Variants in CEP85L observed in about 807,000 individuals in gnomAD.
CEP85L encodes the protein centrosomal protein 85L, also known as centrosomal protein of 85 kDa-like.
CEP85L carries 60 observed loss-of-function variants against 100.3 expected under a neutral mutation model. The observed-to-expected ratio is 0.60, with a 90% CI of 0.49 to 0.74. The LOEUF is 0.74. CEP85L is among the 30% of genes least tolerant of loss of function. CEP85L has a pLI of 0.00. For synonymous variants in CEP85L, 319 were observed against 322.7 expected, an observed-to-expected ratio of 0.99 and a Z score of 0.12; for missense variants, 973 against 936.2, an observed-to-expected ratio of 1.04 and a Z score of -0.51.
chr6:118,651,148 C>T, intron 1 of CEP85L, 49 bp downstream of exon 1: 2 of 1,461,482 alleles, frequency 1.4e-6, no homozygotes, highest in Admixed American at 2.6e-5. Context: ...CGAGGCGCCG[C>T]GGTCGGCCGT....
intron 2 of CEP85L, among the ~76,000 whole-genome samples, chr6:118,600,243 C>G (rs1020640800): frequency 2.1e-5 from 3 of 144,454 alleles, no homozygotes; most frequent in Admixed American, 1.4e-4. Flanking sequence ...AAATTTGTTA[C>G]TATACAATGC....
At chr6:118,656,320 A>G (rs1775785996), upstream of CEP85L, among the ~76,000 whole-genome samples, 1 of 152,262 alleles carries the variant, frequency 6.6e-6, no homozygotes, top group Non-Finnish European at 1.5e-5. Context: ...AAATCAAGGC[A>G]AAGCTGAAAT....
intron 2 of CEP85L, among the ~76,000 whole-genome samples, chr6:118,628,114 C>G (rs370385855): frequency 2.6e-5 from 4 of 151,998 alleles, no homozygotes; most frequent in African/African-American, 7.3e-5. Context: ...TTTCTTTTAC[C>G]CAGTATATCA....
rs1772318263 is a variant in CEP85L at position 118,463,231 on chromosome 6, CA to C, written c.*2173del. On this transcript the variant is annotated 3_prime_UTR_variant, in exon 13 of 13. Coordinates refer to ENST00000368491, the MANE Select transcript of CEP85L (RefSeq NM_001042475.3). Reference sequence around the variant, plus strand: ...AAAACGTATCTATAGTAGATTAAAACAAACTGTAACGTCTGCTTAAAAAAAA... The same window carrying C: ...AAAACGTATCTATAGTAGATTAAAACAACTGTAACGTCTGCTTAAAAAAAA... 3 of 151,630 alleles carry C rather than the reference CA, an allele frequency of 2.0e-5. No homozygotes were observed. The highest frequency in any genetic ancestry group is 7.3e-5 in the African/African-American group (3 of 41,304). The allele number at this position is 151,630 out of a possible 1,614,324, so 9.4% of individuals were successfully genotyped here.
At chr6:118,572,545 C>A (rs1220331283) in intron 2 of CEP85L, among the ~76,000 whole-genome samples, 1 of 149,842 alleles carries the variant, frequency 6.7e-6, no homozygotes, top group African/African-American at 2.5e-5. Context: ...GCACTCCAGT[C>A]TGGAGACAGA....
At chr6:118,502,756 C>T in intron 5 of CEP85L, 2 of 565,430 alleles carry the variant, frequency 3.5e-6, no homozygotes, top group Non-Finnish European at 6.6e-6. Flanking sequence ...AACAGGTGAC[C>T]AATAATCTTA....
At chr6:118,554,306 T>C (rs998405916) in intron 3 of CEP85L, among the ~76,000 whole-genome samples, 8 of 151,994 alleles carry the variant, frequency 5.3e-5, no homozygotes, top group African/African-American at 1.9e-4. Context: ...CATCCATTCA[T>C]AAAAACAATT....
chr6:118,591,982 T>A (rs1164463755), intron 2 of CEP85L, among the ~76,000 whole-genome samples: 2 of 152,230 alleles, frequency 1.3e-5, no homozygotes, highest in Non-Finnish European at 1.5e-5. Flanking sequence ...TTGTTTTGAA[T>A]ACTGCCTTGA....
chr6:118,700,365 T>A (rs1777369125), intron 1 of CEP85L, among the ~76,000 whole-genome samples: 1 of 152,264 alleles, frequency 6.6e-6, no homozygotes, highest in African/African-American at 2.4e-5. Context: ...TGGAATGAAA[T>A]ACTACTGAGC....
intron 5 of CEP85L, among the ~76,000 whole-genome samples, chr6:118,497,063 T>TA (rs1216370825): frequency 6.6e-6 from 1 of 151,994 alleles, no homozygotes; most frequent in Non-Finnish European, 1.5e-5. Flanking sequence ...TTCCCAACCA[T>TA]AAAAAAACCC....
Position 118,481,813 on chromosome 6 carries a change from T to G in CEP85L, c.1711A>C (p.Lys571Gln), listed in dbSNP as rs1773804305. The change falls in exon 8 of 13, where the codon AAG becomes CAG. Residue 571 changes from lysine to glutamine, a missense_variant. This residue lies in a region of CEP85L where 890 missense variants were observed against 844.5 expected (regional missense o/e 1.05). Transcript: ENST00000368491. ...GTAGTTACTAACTCCTTTTCTTTCT[T>G]TTTCTGGCATATTAACTGTGTCTCT... ...DKETQLICQK[K>Q]KEKELVTTVQ... 2 of 1,593,682 alleles carry G rather than the reference T, an allele frequency of 1.3e-6. No homozygotes were observed. Among genetic ancestry groups the G allele is most frequent in the East Asian group, 4.5e-5 (2 of 44,024 alleles).
chr6:118,484,125 T>C lies in CEP85L; in HGVS notation c.1438-267A>G, dbSNP rs149524154. On this transcript the variant is annotated intron_variant, in intron 6 of 12. Coordinates refer to ENST00000368491, the MANE Select transcript of CEP85L (RefSeq NM_001042475.3). Reference sequence around the variant, plus strand: ...AGGAGCTTGAGACCAGCCTGGCCAATATGGCAAAACCCTGTCTCTACTAAA... The same window carrying C: ...AGGAGCTTGAGACCAGCCTGGCCAACATGGCAAAACCCTGTCTCTACTAAA... Among the ~76,000 whole-genome samples the C allele has an allele frequency of 3.8e-3, 583 of 152,124 alleles. 3 individuals are homozygous for C. Among genetic ancestry groups the C allele is most frequent in the African/African-American group, 0.013 (557 of 41,520 alleles).
chr6:118,687,490 T>C (rs1397915383), intron 1 of CEP85L, among the ~76,000 whole-genome samples: 2 of 152,100 alleles, frequency 1.3e-5, no homozygotes, highest in Non-Finnish European at 2.9e-5. Context: ...AGCTCACACA[T>C]AACCAATCAG....
intron 3 of CEP85L, chr6:118,558,867 T>C (rs1779060215): frequency 1.2e-5 from 17 of 1,438,858 alleles, no homozygotes; most frequent in Non-Finnish European, 1.7e-5. Flanking sequence ...GGCTGCCAGC[T>C]TTTTATCTTT....
intron 3 of CEP85L, among the ~76,000 whole-genome samples, chr6:118,540,958 G>C (rs1583009468): frequency 6.6e-6 from 1 of 152,032 alleles, no homozygotes; most frequent in Non-Finnish European, 1.5e-5. Context: ...TGAAGTTTCA[G>C]GAGCATGTTT....
At chr6:118,614,723 C>T (rs544422928) in intron 2 of CEP85L, among the ~76,000 whole-genome samples, 1 of 152,322 alleles carries the variant, frequency 6.6e-6, no homozygotes, top group South Asian at 2.1e-4. Flanking sequence ...TGCCTGTAAT[C>T]CCAGCTACTC....
chr6:118,549,652 A>G (rs1778422197), intron 3 of CEP85L, among the ~76,000 whole-genome samples: 2 of 151,916 alleles, frequency 1.3e-5, no homozygotes, highest in South Asian at 4.1e-4. Context: ...CCATATCTCT[A>G]TACTCATATT....
intron 5 of CEP85L, chr6:118,502,097 G>A (rs1277784916): frequency 7.2e-6 from 7 of 968,748 alleles, no homozygotes; most frequent in Admixed American, 4.5e-5. Flanking sequence ...CCAGAATACT[G>A]CCCTATGAGA....
At chr6:118,609,505 C>T (rs1288894082) in intron 2 of CEP85L, among the ~76,000 whole-genome samples, 1 of 152,084 alleles carries the variant, frequency 6.6e-6, no homozygotes, top group African/African-American at 2.4e-5. Context: ...TTTTTCTCTT[C>T]ATTTTCTTTT....
Sources: allele counts gnomAD v4.1 joint callset (sites outside exome capture counted in the v4.1 genomes callset), GRCh38; gene constraint gnomAD v4.1.1; regional missense constraint gnomAD v4.1.1; transcripts MANE v1.5; gene names NCBI Gene and HGNC (gene_info 2026-07-23, HGNC 2026-07-21).